CLVS1: variants seen among roughly 807,000 people sequenced by gnomAD.
CLVS1 encodes clavesin 1.
In CLVS1, 10 loss-of-function variants were observed where a neutral mutation model predicts 33.1. The ratio of observed to expected loss-of-function variants is 0.30; its 90% CI spans 0.19 to 0.51. The LOEUF is 0.51. Ranked by LOEUF, CLVS1 falls within the 20% of genes least tolerant of loss-of-function variation. CLVS1 has a pLI of 0.97. For synonymous variants in CLVS1, 163 were observed against 166.1 expected (o/e 0.98, Z 0.14); for missense variants, 343 against 433.4 (o/e 0.79, Z 1.85).
chr8:61,290,788 A>G (rs770083780), intron 1 of CLVS1, among the ~76,000 whole-genome samples: 1 of 152,234 alleles, frequency 6.6e-6, no homozygotes, highest in Non-Finnish European at 1.5e-5. Context: ...GCTTGACTAT[A>G]TGCAATCAGT....
intron 2 of CLVS1, among the ~76,000 whole-genome samples, chr8:61,232,041 T>TTTTTTTTTTTTTGTTTTTTTTTG (rs1554548394): frequency 1.4e-4 from 16 of 116,004 alleles, no homozygotes; most frequent in African/African-American, 7.2e-4. Flanking sequence ...TTTTTTTTTT[T>TTTTTTTTTTTTTGTTTTTTTTTG]TTTTTTTTTG....
chr8:61,451,812 C>CACAGAGAGAGAGAGAGAG (rs375319471), intron 3 of CLVS1, among the ~76,000 whole-genome samples: 3 of 142,850 alleles, frequency 2.1e-5, no homozygotes, highest in Admixed American at 1.4e-4. Flanking sequence ...CACACACACA[C>CACAGAGAGAGAGAGAGAG]AGAGAGAGAG....
At chr8:61,394,236 A>G (rs1277596230) in intron 3 of CLVS1, among the ~76,000 whole-genome samples, 1 of 152,176 alleles carries the variant, frequency 6.6e-6, no homozygotes, top group East Asian at 1.9e-4. Flanking sequence ...TCCTTGCAGC[A>G]GGATTGTTCT....
chr8:60,984,526 C>T, the CLVS1 span, among the ~76,000 whole-genome samples: 1 of 152,094 alleles, frequency 6.6e-6, no homozygotes. Context: ...TGGGGTTTCA[C>T]CATGTTGGCC....
the CLVS1 span, among the ~76,000 whole-genome samples, chr8:60,985,808 A>G: frequency 5.9e-5 from 9 of 151,962 alleles, no homozygotes; most frequent in Non-Finnish European, 1.3e-4. Flanking sequence ...CTGTGAAAAA[A>G]AAAAAAAAAA....
chr8:61,179,538 C>T lies in CLVS1; in HGVS notation c.-152+47678C>T, dbSNP rs147380347. On this transcript the variant is annotated intron_variant, in intron 2 of 2. Coordinates refer to the CLVS1 transcript ENST00000522621. ...CTCCACCCCAAATCAAGAGAATATA[C>T]ATTCTTCTCAGTGCCACATGGAACT... Among the ~76,000 whole-genome samples the T allele has an allele frequency of 7.6e-3, 1,154 of 152,328 alleles. 9 individuals are homozygous for T. The highest frequency in any genetic ancestry group is 8.9e-3 in the Non-Finnish European group (603 of 68,026).
At chr8:61,082,963 C>T (rs781616236) in intron 1 of CLVS1, among the ~76,000 whole-genome samples, 7 of 146,162 alleles carry the variant, frequency 4.8e-5, no homozygotes, top group African/African-American at 7.7e-5. Context: ...AGCCTCTGGG[C>T]GACAGAGAAA....
chr8:61,077,858 GGCCCGCT>G (rs1022683769), intron 1 of CLVS1, among the ~76,000 whole-genome samples: 22 of 152,310 alleles, frequency 1.4e-4, no homozygotes, highest in Middle Eastern at 3.4e-3. Flanking sequence ...TTTTGGTGGG[GGCCCGCT>G]GCTCTGCAAG....
intron 1 of CLVS1, among the ~76,000 whole-genome samples, chr8:61,091,189 T>C (rs1039871363): frequency 2.0e-5 from 3 of 152,152 alleles, no homozygotes; most frequent in Admixed American, 2.0e-4. Flanking sequence ...GAGAAGGCCA[T>C]GCAAAGCAGA....
intron 1 of CLVS1, among the ~76,000 whole-genome samples, chr8:61,088,487 C>CAAAAAAAAAA (rs59394782): frequency 9.5e-6 from 1 of 105,318 alleles, no homozygotes; most frequent in African/African-American, 3.1e-5. Flanking sequence ...GAGACTGTCT[C>CAAAAAAAAAA]AAAAAAAAAA....
chr8:61,419,199 C>A (rs1220718932), intron 3 of CLVS1, among the ~76,000 whole-genome samples: 1 of 152,014 alleles, frequency 6.6e-6, no homozygotes, highest in Non-Finnish European at 1.5e-5. Flanking sequence ...GAATTCAAGA[C>A]CAGCCTGACT....
intron 2 of CLVS1, among the ~76,000 whole-genome samples, chr8:61,187,928 T>G (rs1436133065): frequency 6.6e-6 from 1 of 151,800 alleles, no homozygotes; most frequent in East Asian, 1.9e-4. Context: ...TTCATAGATA[T>G]ATTATAGAGC....
At chr8:61,299,160 G>T (rs992949595) in intron 1 of CLVS1, among the ~76,000 whole-genome samples, 1 of 152,278 alleles carries the variant, frequency 6.6e-6, no homozygotes, top group Non-Finnish European at 1.5e-5. Flanking sequence ...TAAAATAGGG[G>T]AAGTATTTTA....
chr8:61,280,936 C>G (rs1025168331), intron 2 of CLVS1, among the ~76,000 whole-genome samples: 1 of 152,162 alleles, frequency 6.6e-6, no homozygotes. Flanking sequence ...AGATCATTAA[C>G]TTATTAATGT....
Position 61,296,314 on chromosome 8 carries a change from T to C in CLVS1, c.-151-3363T>C, listed in dbSNP as rs188002039. ...TAGATTGAAGCAAATTTATTTCACA[T>C]ATTATAGATTGGAGGCATAGCTATA... On this transcript the variant is annotated intron_variant, in intron 1 of 5. Transcript: ENST00000325897. Among the ~76,000 whole-genome samples, 5 of 152,318 alleles carry C rather than the reference T, an allele frequency of 3.3e-5. No homozygotes were observed. The East Asian group carries it at 7.7e-4, about 23-fold the overall frequency.
At chr8:60,975,023 G>C in the CLVS1 span, among the ~76,000 whole-genome samples, 1 of 152,136 alleles carries the variant, frequency 6.6e-6, no homozygotes, top group Non-Finnish European at 1.5e-5. Flanking sequence ...TCCCTCGATG[G>C]TTTTGGTACT....
At chr8:61,015,394 G>T in the CLVS1 span, among the ~76,000 whole-genome samples, 1 of 152,226 alleles carries the variant, frequency 6.6e-6, no homozygotes, top group South Asian at 2.1e-4. Flanking sequence ...TATATCCAAT[G>T]GTTTGTATTT....
At chr8:61,212,727 G>T (rs189981311) in intron 2 of CLVS1, among the ~76,000 whole-genome samples, 3 of 152,302 alleles carry the variant, frequency 2.0e-5, no homozygotes, top group East Asian at 1.9e-4. Flanking sequence ...ATAAGGTGAA[G>T]TTCTAGGGAA....
intron 5 of CLVS1, among the ~76,000 whole-genome samples, chr8:61,483,384 T>A (rs1356134370): frequency 6.6e-6 from 1 of 152,226 alleles, no homozygotes; most frequent in Non-Finnish European, 1.5e-5. Flanking sequence ...CTCCTGAGGC[T>A]AAACCAGGAA....
Sources: allele counts gnomAD v4.1 joint callset (sites outside exome capture counted in the v4.1 genomes callset), GRCh38; gene constraint gnomAD v4.1.1; transcripts MANE v1.5; gene names NCBI Gene and HGNC (gene_info 2026-07-23, HGNC 2026-07-21).